The following CCNC variants were observed in gnomAD, a reference collection of about 807,000 sequenced individuals.
CCNC encodes the protein cyclin-C.
Under a neutral mutation model 50.0 loss-of-function variants are expected in CCNC, and 19 were observed. The observed-to-expected ratio is 0.38, with a 90% CI of 0.27 to 0.56. CCNC has a LOEUF of 0.56. Ranked by LOEUF, CCNC falls within the 20% of genes least tolerant of loss-of-function variation. The probability of loss-of-function intolerance (pLI) is 0.72; values close to 1 mark genes in which losing one functional copy is unlikely to be tolerated. For synonymous variants in CCNC, 93 were observed against 103.7 expected (o/e 0.90, Z 0.63); for missense variants, 200 against 327.1 (o/e 0.61, Z 3.00).
At chr6:99,568,454 C>T (rs1224800207) in intron 1 of CCNC, 42 bp downstream of exon 1, 1 of 1,598,204 alleles carries the variant, frequency 6.3e-7, no homozygotes, top group African/African-American at 1.3e-5. Context: ...TCACAGCTCC[C>T]CCAAAAACCG....
At chr6:99,551,145 A>G (rs1438043822) in intron 6 of CCNC, 117 bp from the exon 7 acceptor site, 4 of 449,412 alleles carry the variant, frequency 8.9e-6, no homozygotes, top group African/African-American at 2.0e-5. Context: ...TTTACTAAAA[A>G]GTTTTAAAAA....
chr6:99,552,609 A>T (rs330812), intron 5 of CCNC, among the ~76,000 whole-genome samples: 2 of 152,080 alleles, frequency 1.3e-5, no homozygotes, highest in South Asian at 4.1e-4. Flanking sequence ...GCATATACAC[A>T]TAAGTACTAT....
chr6:99,547,784 C>T (rs762462439), intron 9 of CCNC, among the ~76,000 whole-genome samples: 5 of 152,138 alleles, frequency 3.3e-5, no homozygotes, highest in Non-Finnish European at 7.4e-5. Context: ...GGAAGATAGA[C>T]AGGCTCTCTG....
chr6:99,561,738 C>T (rs1026900128), intron 2 of CCNC, 57 bp from the exon 3 acceptor site: 7 of 1,049,830 alleles, frequency 6.7e-6, no homozygotes, highest in Non-Finnish European at 1.0e-5. Context: ...ATAATATTAA[C>T]ATTGAACAGT....
chr6:99,547,441 G>A (rs990845730), intron 9 of CCNC, among the ~76,000 whole-genome samples: 1 of 152,030 alleles, frequency 6.6e-6, no homozygotes, highest in Admixed American at 6.6e-5. Context: ...ATGCTGAAAG[G>A]GTGGGGGAGG....
chr6:99,567,232 T>G (rs1025669723), intron 1 of CCNC, among the ~76,000 whole-genome samples: 1 of 150,270 alleles, frequency 6.7e-6, no homozygotes, highest in Non-Finnish European at 1.5e-5. Flanking sequence ...CAGCTACTTG[T>G]CAATTCTCTC....
chr6:99,563,000 C>CTT, intron 1 of CCNC, 52 bp from the exon 2 acceptor site: 2 of 1,113,812 alleles, frequency 1.8e-6, no homozygotes, highest in Non-Finnish European at 2.7e-6. Context: ...AGGAAACACT[C>CTT]TAAGATTGAA....
intron 5 of CCNC, among the ~76,000 whole-genome samples, chr6:99,555,436 C>CT (rs67373075): frequency 3.3e-5 from 5 of 150,890 alleles, no homozygotes; most frequent in Admixed American, 1.3e-4. Context: ...TTGTGGAACT[C>CT]TTTTTTTTTT....
intron 8 of CCNC, among the ~76,000 whole-genome samples, 200 bp downstream of exon 8, chr6:99,550,018 G>A (rs1265540358): frequency 3.3e-5 from 5 of 152,024 alleles, no homozygotes; most frequent in African/African-American, 1.2e-4. Context: ...GTATATTTAT[G>A]GAACAGATAA....
chr6:99,564,554 T>A (rs1769035197), intron 1 of CCNC, among the ~76,000 whole-genome samples: 1 of 152,166 alleles, frequency 6.6e-6, no homozygotes, highest in Non-Finnish European at 1.5e-5. Context: ...TCTTTCCATG[T>A]CTTTATTGGT....
chr6:99,568,360 T>A (rs1171619504), intron 1 of CCNC, 136 bp downstream of exon 1: 4 of 821,644 alleles, frequency 4.9e-6, no homozygotes. Flanking sequence ...GCATCTTGAT[T>A]CTGACCGCTG....
At chr6:99,546,561 G>A (rs373726776) in intron 9 of CCNC, 87 bp from the exon 10 acceptor site, 1 of 855,896 alleles carries the variant, frequency 1.2e-6, no homozygotes, top group South Asian at 1.5e-5. Context: ...TATTTCCTGT[G>A]TATTTTCCAA....
intron 9 of CCNC, among the ~76,000 whole-genome samples, chr6:99,548,949 T>G (rs182552087): frequency 1.3e-5 from 2 of 152,316 alleles, no homozygotes; most frequent in Admixed American, 1.3e-4. Context: ...ATTCTCTCCA[T>G]TTTACAATTA....
At chr6:99,551,050 A>G in intron 6 of CCNC, 22 bp from the exon 7 acceptor site, 1 of 1,068,058 alleles carries the variant, frequency 9.4e-7, no homozygotes, top group South Asian at 2.1e-5. Context: ...AAAGATTATC[A>G]ATGAAATGTC....
At chr6:99,548,784 C>G (rs1326011874) in intron 9 of CCNC, among the ~76,000 whole-genome samples, 3 of 118,942 alleles carry the variant, frequency 2.5e-5, no homozygotes, top group Non-Finnish European at 4.8e-5. Context: ...GCCTGGGAGA[C>G]AGAGTGAGAC....
intron 9 of CCNC, chr6:99,549,288 CAAAAAAA>C (rs34144372): frequency 1.4e-5 from 7 of 490,582 alleles, no homozygotes; most frequent in Admixed American, 7.3e-5. Flanking sequence ...TGAATGGTTT[CAAAAAAA>C]AAAAAAAAAA....
At chr6:99,549,694 T>A in intron 8 of CCNC, 119 bp from the exon 9 acceptor site, 1 of 626,948 alleles carries the variant, frequency 1.6e-6, no homozygotes, top group Non-Finnish European at 2.8e-6. Flanking sequence ...TTTATACTAC[T>A]GAAGCACAGC....
intron 9 of CCNC, among the ~76,000 whole-genome samples, chr6:99,547,647 T>G (rs330809): frequency 0.39 from 59,435 of 152,048 alleles, 11,780 homozygotes; most frequent in East Asian, 0.53. Flanking sequence ...GCAGCATCCC[T>G]GGCTTCTACC....
At chr6:99,550,542 T>C in intron 7 of CCNC, 3 of 440,114 alleles carry the variant, frequency 6.8e-6, no homozygotes, top group Non-Finnish European at 8.1e-6. Flanking sequence ...TGGCAGTCAG[T>C]CAGCATCCAT....
Sources: gnomAD v4.1 joint callset for allele counts (sites outside exome capture counted in the v4.1 genomes callset) on GRCh38, gnomAD v4.1.1 for gene constraint, MANE v1.5 for transcripts, NCBI Gene and HGNC (gene_info 2026-07-23, HGNC 2026-07-21) for gene names.